The following IRAK2 variants were observed in gnomAD, a reference collection of about 807,000 sequenced individuals.
The protein encoded by IRAK2 is interleukin 1 receptor associated kinase 2, also known as interleukin-1 receptor-associated kinase-like 2.
A neutral mutation model predicts 72.0 loss-of-function variants in IRAK2; 57 were observed. The ratio of observed to expected loss-of-function variants is 0.79; its 90% CI spans 0.64 to 0.99. IRAK2 has a LOEUF of 0.99. Ranked by LOEUF, IRAK2 falls within the 50% of genes least tolerant of loss-of-function variation. IRAK2 has a pLI of 0.00. For missense variants in IRAK2, 790 were observed against 794.4 expected (o/e 0.99, Z 0.07); for synonymous variants, 293 against 312.7 (o/e 0.94, Z 0.67).
intron 1 of IRAK2, among the ~76,000 whole-genome samples, chr3:10,168,994 C>A (rs974540931): frequency 1.3e-5 from 2 of 152,046 alleles, no homozygotes; most frequent in Non-Finnish European, 2.9e-5. Context: ...AAGTGTCGGC[C>A]GGTCTGAGAA....
intron 12 of IRAK2, among the ~76,000 whole-genome samples, chr3:10,241,718 C>T (rs994392356): frequency 2.0e-5 from 3 of 147,572 alleles, no homozygotes; most frequent in African/African-American, 5.0e-5. Flanking sequence ...CTGGGCAACA[C>T]GGTGAAACCC....
chr3:10,184,988 C>T (rs1463395840), intron 2 of IRAK2, among the ~76,000 whole-genome samples: 1 of 150,754 alleles, frequency 6.6e-6, no homozygotes, highest in African/African-American at 2.5e-5. Flanking sequence ...GCCTTGGCCT[C>T]CCAAAGTGCT....
rs377205687 is a variant in IRAK2, at chr3:10,226,417, G to A, written c.1256G>A (p.Arg419Gln). Residue 419 changes from arginine to glutamine, a missense_variant, in exon 10 of 13, where the codon CGA (arginine) becomes CAA (glutamine). Coordinates refer to ENST00000256458, the MANE Select transcript of IRAK2 (RefSeq NM_001570.4). ...LTGIPAMDNNRSPVYLKDLLL... is the reference protein window; with the variant it reads ...LTGIPAMDNNQSPVYLKDLLL... ...GGCATCCCTGCAATGGATAACAACC[G>A]AAGCCCGGTTTACCTGGTAAGGGAA... 9 of 1,613,164 alleles carry A rather than the reference G, an allele frequency of 5.6e-6. No homozygotes were observed. The highest frequency in any genetic ancestry group is 5.0e-5 in the Admixed American group (3 of 59,954).
chr3:10,237,819 A>G (rs2125165845), intron 11 of IRAK2, among the ~76,000 whole-genome samples: 1 of 151,424 alleles, frequency 6.6e-6, no homozygotes, highest in South Asian at 2.1e-4. Context: ...AAAAAAAAAA[A>G]AAAAAAGAAA....
chr3:10,219,531 G>C, intron 7 of IRAK2, 149 bp from the exon 8 acceptor site: 1 of 611,268 alleles, frequency 1.6e-6, no homozygotes, highest in East Asian at 2.9e-5. Context: ...TGTTAGCCAG[G>C]ATGGTCTCGA....
At chr3:10,229,938 T>TAA (rs969670577) in intron 10 of IRAK2, among the ~76,000 whole-genome samples, 2 of 151,902 alleles carry the variant, frequency 1.3e-5, no homozygotes, top group Admixed American at 1.3e-4. Flanking sequence ...CCGTCTCTAC[T>TAA]AAAAACACAA....
intron 2 of IRAK2, among the ~76,000 whole-genome samples, chr3:10,192,156 C>G (rs1263862188): frequency 6.6e-6 from 1 of 152,134 alleles, no homozygotes; most frequent in Non-Finnish European, 1.5e-5. Context: ...GTGTTTGTCC[C>G]TGATAGAGCC....
intron 12 of IRAK2, 24 bp from the exon 13 acceptor site, chr3:10,242,090 CTT>C (rs1698069277): frequency 7.5e-7 from 1 of 1,337,624 alleles, no homozygotes; most frequent in African/African-American, 1.4e-5. Context: ...TCAAGTCGCT[CTT>C]GTTTGCTTTC....
chr3:10,183,646 G>C (rs951957856), intron 2 of IRAK2, among the ~76,000 whole-genome samples: 1 of 152,132 alleles, frequency 6.6e-6, no homozygotes, highest in Non-Finnish European at 1.5e-5. Context: ...GTGGGAACCC[G>C]GGAGGCGGAG....
chr3:10,170,505 C>T (rs1457798291), intron 1 of IRAK2, among the ~76,000 whole-genome samples: 2 of 152,176 alleles, frequency 1.3e-5, no homozygotes, highest in African/African-American at 4.8e-5. Context: ...CTTTCCTGCC[C>T]CTGTTCCTCT....
In IRAK2 at chr3:10,165,163, G is replaced by C. The variant is rs11465851; in HGVS notation, c.94+115G>C. 2,145 of 864,660 alleles carry C rather than the reference G, an allele frequency of 2.5e-3. 8 individuals carry two copies. Among genetic ancestry groups the C allele is most frequent in the Non-Finnish European group, 3.3e-3 (1,830 of 552,358 alleles). The allele number at this position is 864,660 out of a possible 1,614,324, so 53.6% of individuals were successfully genotyped here. A position where few individuals can be genotyped will look rare whatever the true frequency, so the allele number is the denominator to read the frequency against. On this transcript the variant is annotated intron_variant, in intron 1 of 12. Transcript: ENST00000256458. Reference sequence around the variant, plus strand: ...CCGGGTTCAGCGGGTCCCGATCCGAGGGCGTGCGAGCTGAGCCTCCTGGAC... The same window carrying C: ...CCGGGTTCAGCGGGTCCCGATCCGACGGCGTGCGAGCTGAGCCTCCTGGAC...
At chr3:10,232,445 T>C (rs1235778739) in intron 10 of IRAK2, among the ~76,000 whole-genome samples, 2 of 152,188 alleles carry the variant, frequency 1.3e-5, no homozygotes, top group African/African-American at 4.8e-5. Context: ...TGTCCTACTT[T>C]TAGTGCTAAG....
intron 10 of IRAK2, among the ~76,000 whole-genome samples, chr3:10,229,045 T>C (rs938842404): frequency 3.3e-5 from 5 of 151,914 alleles, no homozygotes; most frequent in African/African-American, 1.2e-4. Context: ...GAGATTCTCC[T>C]GCCTCAGCCT....
At chr3:10,234,705 T>G (rs1467917582) in intron 11 of IRAK2, 46 bp downstream of exon 11, 2 of 1,545,306 alleles carry the variant, frequency 1.3e-6, no homozygotes, top group Non-Finnish European at 1.8e-6. Context: ...CACGCGTGGG[T>G]CCACCTCATC....
intron 7 of IRAK2, among the ~76,000 whole-genome samples, chr3:10,218,775 T>C (rs1301823927): frequency 6.6e-6 from 1 of 152,172 alleles, no homozygotes; most frequent in Non-Finnish European, 1.5e-5. Context: ...CCCTAAAATA[T>C]AGGGATTAAC....
chr3:10,231,729 G>A (rs1344952201), intron 10 of IRAK2, among the ~76,000 whole-genome samples: 1 of 152,108 alleles, frequency 6.6e-6, no homozygotes, highest in Non-Finnish European at 1.5e-5. Context: ...TTGCCCAGGC[G>A]AGTTTCGAGC....
At chr3:10,166,811 T>G (rs541877359) in intron 1 of IRAK2, among the ~76,000 whole-genome samples, 1 of 152,304 alleles carries the variant, frequency 6.6e-6, no homozygotes, top group East Asian at 1.9e-4. Context: ...CGCCCACTAA[T>G]TTTTATGTTT....
chr3:10,168,707 C>T (rs1343478771), intron 1 of IRAK2, among the ~76,000 whole-genome samples: 1 of 152,194 alleles, frequency 6.6e-6, no homozygotes, highest in Non-Finnish European at 1.5e-5. Flanking sequence ...CCTTGCCAGG[C>T]ATGTTGACTC....
At chr3:10,222,852 G>A (rs376041533) in intron 9 of IRAK2, 21 bp downstream of exon 9, 121 of 1,606,312 alleles carry the variant, frequency 7.5e-5, no homozygotes, top group Middle Eastern at 3.3e-4. Context: ...CCTGCTCTGC[G>A]TAGAGTGGGG....
Sources: gnomAD v4.1 joint callset for allele counts (sites outside exome capture counted in the v4.1 genomes callset) on GRCh38, gnomAD v4.1.1 for gene constraint, MANE v1.5 for transcripts, NCBI Gene and HGNC (gene_info 2026-07-23, HGNC 2026-07-21) for gene names.